The following LSM1 variants were observed in gnomAD, a reference collection of about 807,000 sequenced individuals.
The protein encoded by LSM1 is LSM1 homolog, mRNA degradation associated, also known as U6 snRNA-associated Sm-like protein LSm1.
Under a neutral mutation model 18.0 loss-of-function variants are expected in LSM1, and 13 were observed. The ratio of observed to expected loss-of-function variants is 0.72; its 90% CI spans 0.47 to 1.15. LSM1 has a LOEUF of 1.15. Ranked by LOEUF, LSM1 falls within the 50% of genes most tolerant of loss-of-function variation. LSM1 has a pLI of 0.00. For synonymous variants in LSM1, 46 were observed against 56.0 expected (o/e 0.82, Z 0.80); for missense variants, 152 against 157.7 (o/e 0.96, Z 0.19).
chr8:38,166,201 G>A (rs1802926591), intron 3 of LSM1: 1 of 152,118 alleles, frequency 6.6e-6, no homozygotes, highest in Non-Finnish European at 1.5e-5. Context: ...ACCATGATCT[G>A]AAACTCTTGG....
Position 38,172,008 on chromosome 8 carries a change from A to G in LSM1, c.72T>C (p.Asp24=). ...IDKKHLVLLR[D]GRTLIGFLRS... ...TTAAAAAGCCTATAAGTGTCCTTCC[A>G]TCTCGAAGCAGAACCAAGTGCTTTT... Residue 24 remains aspartate, a synonymous_variant, in exon 2 of 4, where the codon GAT becomes GAC. Coordinates refer to ENST00000311351, the MANE Select transcript of LSM1 (RefSeq NM_014462.3). 1 of 1,612,070 alleles carries G rather than the reference A, an allele frequency of 6.2e-7. No homozygotes were observed. Among genetic ancestry groups the G allele is most frequent in the Non-Finnish European group, 8.5e-7 (1 of 1,179,456 alleles).
In LSM1 at chr8:38,169,878, A is replaced by C. The variant is rs1445287415; in HGVS notation, c.155T>G (p.Val52Gly). The C allele has an allele frequency of 6.2e-7, 1 of 1,613,746 alleles. No homozygotes were observed. The highest frequency in any genetic ancestry group is 8.5e-7 in the Non-Finnish European group (1 of 1,179,802). Residue 52 changes from valine (V) to glycine (G), a missense_variant, in exon 3 of 4, where the codon GTG becomes GGG. Transcript: ENST00000311351. The part of the protein sequence containing the change: ...VLHQTVERIH[V>G]GKKYGDIPRG... ...AGGAATATCACCGTATTTTTTGCCC[A>C]CATGAATACGCTCCACAGTCTGATG...
upstream of LSM1, chr8:38,176,618 C>T (rs1224957353): frequency 1.1e-5 from 6 of 563,770 alleles, no homozygotes; most frequent in African/African-American, 1.9e-5. Context: ...GGATAAATGG[C>T]GAGGAAACGT....
intron 1 of LSM1, among the ~76,000 whole-genome samples, chr8:38,173,543 T>G (rs1803066133): frequency 1.3e-5 from 2 of 152,060 alleles, no homozygotes; most frequent in Non-Finnish European, 2.9e-5. Flanking sequence ...AAGAAAACAT[T>G]AAGTGATGGA....
At chr8:38,170,474 A>C (rs1803007755) in intron 2 of LSM1, among the ~76,000 whole-genome samples, 1 of 152,228 alleles carries the variant, frequency 6.6e-6, no homozygotes. Context: ...AAGAGAAATA[A>C]ATTCCTTTAT....
chr8:38,166,565 C>T (rs1002356500), intron 3 of LSM1, among the ~76,000 whole-genome samples: 1 of 152,164 alleles, frequency 6.6e-6, no homozygotes, highest in African/African-American at 2.4e-5. Context: ...CTGTTTCTTA[C>T]CCTCCTCTAT....
chr8:38,176,340 G>A lies in LSM1; in HGVS notation c.-20C>T. The stretch of plus-strand genomic sequence containing the variant: ...GTTCATTTTGAACTGAAATAATGCT[G>A]CAATGCACAGCGGCGGGAGGCCAGC... On this transcript the variant is annotated 5_prime_UTR_variant, in exon 1 of 4. Transcript: ENST00000311351. 6.2e-7 allele frequency: 1 copy of A among 1,605,178 alleles called. No individual in the cohort carries two copies. Among genetic ancestry groups the A allele is most frequent in the Non-Finnish European group, 8.5e-7 (1 of 1,174,604 alleles).
intron 3 of LSM1, among the ~76,000 whole-genome samples, chr8:38,167,947 G>A (rs1802964967): frequency 2.6e-5 from 4 of 151,698 alleles, no homozygotes; most frequent in Admixed American, 2.6e-4. Context: ...GGGTACCATG[G>A]TACTAGGTGC....
At chr8:38,174,912 T>A (rs894940480) in intron 1 of LSM1, among the ~76,000 whole-genome samples, 1 of 150,248 alleles carries the variant, frequency 6.7e-6, no homozygotes, top group African/African-American at 2.5e-5. Context: ...TAATCCCAGT[T>A]ACTTGGGAGG....
At chr8:38,175,022 T>C (rs1395151266) in intron 1 of LSM1, among the ~76,000 whole-genome samples, 2 of 107,568 alleles carry the variant, frequency 1.9e-5, no homozygotes, top group East Asian at 5.8e-4. Context: ...CAAGACTCTG[T>C]CTCAAAAAAA....
At chr8:38,176,247 C>A (rs1186229597) in intron 1 of LSM1, 28 bp downstream of exon 1, 2 of 1,608,686 alleles carry the variant, frequency 1.2e-6, no homozygotes, top group Admixed American at 1.7e-5. Context: ...TAACCCCGGG[C>A]TCCACCGGGA....
rs112829516 is a variant in LSM1, at chr8:38,167,590, C to T, written c.231+2212G>A. 4.9e-3 allele frequency among the ~76,000 whole-genome samples: 749 copies of T among 152,276 alleles called. 4 individuals carry two copies. Among genetic ancestry groups the T allele is most frequent in the African/African-American group, 0.016 (645 of 41,542 alleles). ...TGCAGCTTAAGCGATCTGCCTGCCT[C>T]GGCCTCCCAAAGTACTGGGATTACA... On this transcript the variant is annotated intron_variant, in intron 3 of 3. Transcript: ENST00000311351.
At chr8:38,175,165 TCTC>T (rs1803106807) in intron 1 of LSM1, among the ~76,000 whole-genome samples, 1 of 150,210 alleles carries the variant, frequency 6.7e-6, no homozygotes, top group South Asian at 2.1e-4. Flanking sequence ...ACTGCAACCT[TCTC>T]CTCCCGGGTT....
intron 3 of LSM1, 24 bp from the exon 4 acceptor site, chr8:38,163,864 A>C: frequency 6.2e-7 from 1 of 1,609,056 alleles, no homozygotes; most frequent in Non-Finnish European, 8.5e-7. Context: ...AGGTTTGAAA[A>C]CTTCACCTGA....
At chr8:38,172,394 TTAC>T (rs957487703) in intron 1 of LSM1, among the ~76,000 whole-genome samples, 4 of 151,548 alleles carry the variant, frequency 2.6e-5, no homozygotes, top group African/African-American at 7.3e-5. Flanking sequence ...CAATCTCGGC[TTAC>T]TACAACCTCT....
rs1263287526 is a variant in LSM1, at chr8:38,169,840, C to G, written c.193G>C (p.Val65Leu). ...KYGDIPRGIF[V>L]VRGENVVLLG... ...AGGACCACATTTTCTCCTCTGACCA[C>G]AAAAATCCCTCGAGGAATATCACCG... The change falls in exon 3 of 4, where the codon GTG becomes CTG. Residue 65 changes from valine to leucine, a missense_variant. Transcript: ENST00000311351. 1.9e-6 allele frequency: 3 copies of G among 1,613,798 alleles called. No homozygotes were observed. In the African/African-American group the frequency reaches 4.0e-5, roughly 22 times the overall value.
intron 3 of LSM1, among the ~76,000 whole-genome samples, chr8:38,165,324 G>T (rs191522904): frequency 2.8e-4 from 42 of 152,072 alleles, no homozygotes; most frequent in African/African-American, 9.4e-4. Flanking sequence ...TTGCACTCTA[G>T]CCTGGGTGAC....
At chr8:38,168,019 T>A (rs1176375385) in intron 3 of LSM1, among the ~76,000 whole-genome samples, 1 of 151,446 alleles carries the variant, frequency 6.6e-6, no homozygotes, top group Non-Finnish European at 1.5e-5. Flanking sequence ...TGGAGTGCAC[T>A]GGCACGATCT....
upstream of LSM1, chr8:38,176,626 C>G (rs1585646125): frequency 1.8e-6 from 1 of 568,238 alleles, no homozygotes; most frequent in Non-Finnish European, 3.0e-6. Flanking sequence ...GGCGAGGAAA[C>G]GTATACTCCC....
Sources: allele counts gnomAD v4.1 joint callset (sites outside exome capture counted in the v4.1 genomes callset), GRCh38; gene constraint gnomAD v4.1.1; transcripts MANE v1.5; gene names NCBI Gene and HGNC (gene_info 2026-07-23, HGNC 2026-07-21).